SPATA6: variants seen among roughly 807,000 people sequenced by gnomAD.
SPATA6 encodes spermatogenesis associated 6.
In SPATA6, 56 loss-of-function variants were observed where a neutral mutation model predicts 65.3. The ratio of observed to expected loss-of-function variants is 0.86; its 90% CI spans 0.69 to 1.07. SPATA6 has a LOEUF of 1.07. Among genes scored for constraint, SPATA6 ranks in the 50% least tolerant of loss-of-function variants. The pLI, the probability that SPATA6 is intolerant of heterozygous loss-of-function variation, is 0.00. For synonymous variants in SPATA6, 199 were observed against 213.2 expected (o/e 0.93, Z 0.58); for missense variants, 590 against 594.8 (o/e 0.99, Z 0.08).
At chr1:48,389,590 A>C (rs1476952218) in intron 8 of SPATA6, among the ~76,000 whole-genome samples, 2 of 152,242 alleles carry the variant, frequency 1.3e-5, no homozygotes, top group Non-Finnish European at 2.9e-5. Flanking sequence ...TCCTAAATAG[A>C]AACCTTACAG....
chr1:48,280,566 T>G, the SPATA6 span, among the ~76,000 whole-genome samples: 68 of 152,212 alleles, frequency 4.5e-4, 2 homozygotes, highest in Admixed American at 4.4e-3. Flanking sequence ...TCTACACAAA[T>G]AAACTAGAAA....
At chr1:48,321,329 T>C (rs111529854) in intron 11 of SPATA6, among the ~76,000 whole-genome samples, 1 of 151,792 alleles carries the variant, frequency 6.6e-6, no homozygotes, top group African/African-American at 2.4e-5. Flanking sequence ...AACAAAGGAA[T>C]GGGAAAAGAT....
intron 9 of SPATA6, among the ~76,000 whole-genome samples, chr1:48,365,234 G>A (rs1171801639): frequency 4.6e-5 from 7 of 152,030 alleles, no homozygotes; most frequent in Admixed American, 2.6e-4. Context: ...AGGTAGCGTG[G>A]TGCCTCCGGG....
chr1:48,273,544 A>G, the SPATA6 span, among the ~76,000 whole-genome samples: 1 of 152,042 alleles, frequency 6.6e-6, no homozygotes, highest in South Asian at 2.1e-4. Context: ...TGCTGTGTCC[A>G]TGTGTTCTCA....
intron 3 of SPATA6, among the ~76,000 whole-genome samples, chr1:48,449,278 G>A (rs1656342158): frequency 1.3e-5 from 2 of 152,134 alleles, no homozygotes; most frequent in East Asian, 1.9e-4. Flanking sequence ...AAAGCTGATG[G>A]GCGCCTTATA....
At chr1:48,384,650 A>C (rs1321988889) in intron 9 of SPATA6, among the ~76,000 whole-genome samples, 2 of 152,218 alleles carry the variant, frequency 1.3e-5, no homozygotes, top group East Asian at 3.9e-4. Context: ...GAAAAAATAT[A>C]TTTTCAATTC....
chr1:48,394,299 G>A (rs762551393), intron 8 of SPATA6, among the ~76,000 whole-genome samples: 3 of 152,022 alleles, frequency 2.0e-5, no homozygotes, highest in African/African-American at 4.8e-5. Flanking sequence ...ATATGTAATC[G>A]TCAAGAAAAA....
the SPATA6 span, among the ~76,000 whole-genome samples, chr1:48,271,680 AC>A: frequency 1.3e-5 from 2 of 152,172 alleles, no homozygotes; most frequent in African/African-American, 2.4e-5. Context: ...TGCAGATTTA[AC>A]AACTAGGCCA....
At chr1:48,292,574 G>A (rs537358506), downstream of SPATA6, among the ~76,000 whole-genome samples, 1 of 152,354 alleles carries the variant, frequency 6.6e-6, no homozygotes, top group South Asian at 2.1e-4. Context: ...ACCAGCAGCA[G>A]GTGTTTATGT....
chr1:48,418,077 CTA>C, intron 3 of SPATA6, among the ~76,000 whole-genome samples: 1 of 152,034 alleles, frequency 6.6e-6, no homozygotes, highest in South Asian at 2.1e-4. Context: ...TCTTAATTCT[CTA>C]TATTGTCTTT....
Position 48,472,088 on chromosome 1 carries a change from G to C in SPATA6, c.-80C>G. ...GGGAGACCTGGGGCTGGGCGGGGAC[G>C]GGGAGGAGACGAGGTGGCGGCGGCG... is the stretch of plus-strand genomic sequence containing the variant. On this transcript the variant is annotated 5_prime_UTR_variant, in exon 1 of 13. Transcript: ENST00000371847. The C allele has an allele frequency of 9.0e-7, 1 of 1,110,930 alleles. No homozygotes were observed. The allele number at this position is 1,110,930 out of a possible 1,614,324, so 68.8% of individuals were successfully genotyped here.
At chr1:48,290,467 T>C (rs1360198446), downstream of SPATA6, among the ~76,000 whole-genome samples, 1 of 152,010 alleles carries the variant, frequency 6.6e-6, no homozygotes, top group East Asian at 1.9e-4. Context: ...CCAGATAACA[T>C]CATGACAGGA....
intron 11 of SPATA6, among the ~76,000 whole-genome samples, chr1:48,307,936 A>G (rs1012351234): frequency 6.6e-6 from 1 of 151,908 alleles, no homozygotes; most frequent in East Asian, 1.9e-4. Flanking sequence ...GCTGAATGCT[A>G]TGCTTTTGTT....
chr1:48,323,957 ATTTTAT>A (rs1363957678), intron 11 of SPATA6, among the ~76,000 whole-genome samples: 1 of 151,988 alleles, frequency 6.6e-6, no homozygotes, highest in Non-Finnish European at 1.5e-5. Context: ...CTTTGTTGTT[ATTTTAT>A]TTTTGAGATG....
chr1:48,431,535 C>T (rs1057415048), intron 3 of SPATA6, among the ~76,000 whole-genome samples: 1 of 152,016 alleles, frequency 6.6e-6, no homozygotes, highest in Admixed American at 6.6e-5. Context: ...TATGGTAGAC[C>T]ACAAATTAAA....
intron 3 of SPATA6, chr1:48,435,912 C>A (rs187543422): frequency 2.7e-5 from 41 of 1,526,998 alleles, no homozygotes; most frequent in South Asian, 3.4e-5. Context: ...AAAACAAAAG[C>A]CTTCTTTGGA....
chr1:48,305,177 T>C (rs1645031105), intron 12 of SPATA6, among the ~76,000 whole-genome samples: 1 of 152,174 alleles, frequency 6.6e-6, no homozygotes, highest in African/African-American at 2.4e-5. Context: ...AATTAAAAAA[T>C]ATTCCATTCT....
chr1:48,439,093 A>C (rs1296979596), intron 3 of SPATA6, among the ~76,000 whole-genome samples: 4 of 152,154 alleles, frequency 2.6e-5, no homozygotes, highest in African/African-American at 9.7e-5. Flanking sequence ...TTTGGGGCAT[A>C]ACATCTTTAT....
At chr1:48,320,230 A>G (rs1240801685) in intron 11 of SPATA6, among the ~76,000 whole-genome samples, 1 of 152,236 alleles carries the variant, frequency 6.6e-6, no homozygotes, top group Non-Finnish European at 1.5e-5. Context: ...TCCAAAGCCT[A>G]GATAAAGATA....
Sources: allele counts gnomAD v4.1 joint callset (sites outside exome capture counted in the v4.1 genomes callset), GRCh38; gene constraint gnomAD v4.1.1; transcripts MANE v1.5; gene names NCBI Gene and HGNC (gene_info 2026-07-23, HGNC 2026-07-21).